The following PEX5L variants were observed in gnomAD, a reference collection of about 807,000 sequenced individuals.
The protein encoded by PEX5L is peroxisomal biogenesis factor 5 like, also known as PEX5-related protein.
In PEX5L, 30 loss-of-function variants were observed where a neutral mutation model predicts 84.0. The observed-to-expected ratio is 0.36, with a 90% CI of 0.27 to 0.48. PEX5L has a LOEUF of 0.48. Ranked by LOEUF, PEX5L falls within the 20% of genes least tolerant of loss-of-function variation. The pLI is 0.99. For missense variants in PEX5L, 533 were observed against 754.6 expected, an observed-to-expected ratio of 0.71 and a Z score of 3.44; for synonymous variants, 270 against 283.1, an observed-to-expected ratio of 0.95 and a Z score of 0.46.
rs1268823710 is a variant in PEX5L, at chr3:179,799,767, GA to G, written c.*2060del. The G allele has an allele frequency of 6.6e-6, 1 of 152,238 alleles. No homozygotes were observed. The highest frequency in any genetic ancestry group is 6.5e-5 in the Admixed American group (1 of 15,280). 9.4% of individuals were successfully genotyped at this position (152,238 alleles called of 1,614,324 possible). Reference sequence around the variant, plus strand: ...TTCAAGCAGGCCCTGCCATGGCTTGGAGGCTGGCCCCAAGAGTCCTTACCAG... The same window carrying G: ...TTCAAGCAGGCCCTGCCATGGCTTGGGGCTGGCCCCAAGAGTCCTTACCAG... On this transcript the variant is annotated 3_prime_UTR_variant, in exon 15 of 15. Transcript: ENST00000467460.
At chr3:180,017,205 T>C (rs1022448518) in intron 1 of PEX5L, among the ~76,000 whole-genome samples, 2 of 152,232 alleles carry the variant, frequency 1.3e-5, no homozygotes, top group Non-Finnish European at 2.9e-5. Context: ...TAGCTTGAAA[T>C]GGCTGTTTAC....
chr3:179,953,485 T>C (rs1281384099), intron 2 of PEX5L, among the ~76,000 whole-genome samples: 1 of 152,200 alleles, frequency 6.6e-6, no homozygotes, highest in Non-Finnish European at 1.5e-5. Context: ...TTAAAGATTC[T>C]GCTGCTGATA....
chr3:180,028,605 C>A (rs1263977010), intron 1 of PEX5L, among the ~76,000 whole-genome samples: 4 of 151,998 alleles, frequency 2.6e-5, no homozygotes, highest in African/African-American at 9.7e-5. Context: ...AAATAATATA[C>A]CAGGGTAAGG....
At chr3:179,973,669 C>T (rs1273737205) in intron 1 of PEX5L, 6 of 985,310 alleles carry the variant, frequency 6.1e-6, no homozygotes, top group African/African-American at 1.7e-5. Flanking sequence ...TCAGCACTCA[C>T]AGAACATCAT....
chr3:179,952,099 C>T (rs1010502927), intron 2 of PEX5L, among the ~76,000 whole-genome samples: 4 of 152,116 alleles, frequency 2.6e-5, no homozygotes, highest in Admixed American at 1.3e-4. Context: ...CTATACTTTG[C>T]TTATATTATA....
chr3:179,795,576 C>G lies in PEX5L; in HGVS notation c.*6252G>C, dbSNP rs1162926019. ...CAATCACTTTAAAATCCCCTCCCCC[C>G]CATTGCCATTAATTTACTATAGGTC... On this transcript the variant is annotated 3_prime_UTR_variant, in exon 15 of 15. Coordinates refer to ENST00000467460, the MANE Select transcript of PEX5L (RefSeq NM_016559.3). The G allele has an allele frequency of 6.6e-6, 1 of 152,050 alleles. No homozygotes were observed. Among genetic ancestry groups the G allele is most frequent in the African/African-American group, 2.4e-5 (1 of 41,406 alleles). The allele number at this position is 152,050 out of a possible 1,614,324, so 9.4% of individuals were successfully genotyped here. A position where few individuals can be genotyped will look rare whatever the true frequency, so the allele number is the denominator to read the frequency against.
chr3:179,975,215 A>G (rs1785628238), intron 1 of PEX5L, among the ~76,000 whole-genome samples: 1 of 152,166 alleles, frequency 6.6e-6, no homozygotes, highest in Non-Finnish European at 1.5e-5. Context: ...TAAAAAAAGA[A>G]AAACAATATA....
At position 179,803,418 on chromosome 3, in the gene PEX5L, A is replaced by T. The variant is rs561887424; in HGVS notation, c.1677-1386T>A. ...AAGCCCTTTTAGGTTCTCAATAATT[A>T]TTAAAAGTGTAGAGGGGTCCTGAGA... On this transcript the variant is annotated intron_variant, in intron 14 of 14. Coordinates refer to ENST00000467460, the MANE Select transcript of PEX5L (RefSeq NM_016559.3). Among the ~76,000 whole-genome samples the T allele has an allele frequency of 3.3e-5, 5 of 152,304 alleles. No homozygotes were observed. The East Asian group carries it at 9.7e-4, about 29-fold the overall frequency.
At chr3:179,842,653 A>AT (rs1179668877) in intron 8 of PEX5L, among the ~76,000 whole-genome samples, 1 of 152,166 alleles carries the variant, frequency 6.6e-6, no homozygotes. Flanking sequence ...ACTTCAACGA[A>AT]TATACTAAAG....
At chr3:179,986,952 C>T (rs13060574) in intron 1 of PEX5L, among the ~76,000 whole-genome samples, 24,829 of 152,112 alleles carry the variant, frequency 0.16, 2,291 homozygotes, top group Admixed American at 0.24. Flanking sequence ...AAACTTTCAA[C>T]TCAAGAACTT....
At chr3:179,871,031 T>A (rs982662798) in intron 7 of PEX5L, among the ~76,000 whole-genome samples, 6 of 152,006 alleles carry the variant, frequency 3.9e-5, no homozygotes, top group African/African-American at 1.4e-4. Flanking sequence ...CACTGCCTCA[T>A]ATAATTTATG....
rs35967860 is a variant in PEX5L at position 179,905,653 on chromosome 3, ATT to A, written c.94-7409_94-7408del. On this transcript the variant is annotated intron_variant, in intron 2 of 14. Coordinates refer to ENST00000467460, the MANE Select transcript of PEX5L (RefSeq NM_016559.3). The stretch of plus-strand genomic sequence containing the variant: ...GATTGGCTCCAAAGAAGTTCTTGCC[ATT>A]TTTTTTTTTCCTGACGATGCAGTTG... Among the ~76,000 whole-genome samples the A allele has an allele frequency of 1.4e-4, 21 of 147,476 alleles. No individual in the cohort carries two copies. The East Asian group carries it at 3.9e-3, about 28-fold the overall frequency.
At chr3:179,912,978 GA>G (rs2109248384) in intron 2 of PEX5L, among the ~76,000 whole-genome samples, 1 of 152,076 alleles carries the variant, frequency 6.6e-6, no homozygotes, top group South Asian at 2.1e-4. Flanking sequence ...ATCCTTCAAA[GA>G]AAAAATTAGG....
intron 7 of PEX5L, 36 bp downstream of exon 7, chr3:179,874,291 G>T: frequency 8.7e-7 from 1 of 1,153,428 alleles, no homozygotes; most frequent in Non-Finnish European, 1.3e-6. Context: ...CTATATATAG[G>T]GAAAGATGTG....
At chr3:179,843,630 A>G (rs1310223922) in intron 8 of PEX5L, among the ~76,000 whole-genome samples, 2 of 152,252 alleles carry the variant, frequency 1.3e-5, no homozygotes, top group South Asian at 2.1e-4. Flanking sequence ...GGAAATTGTC[A>G]ATGAAAAATA....
chr3:179,831,390 T>C (rs1396113943), intron 8 of PEX5L, among the ~76,000 whole-genome samples: 6 of 151,426 alleles, frequency 4.0e-5, no homozygotes, highest in East Asian at 1.9e-4. Flanking sequence ...TTTTTAAAAA[T>C]ATGGAACCTC....
intron 7 of PEX5L, among the ~76,000 whole-genome samples, chr3:179,866,961 T>C (rs1748463287): frequency 7.0e-6 from 1 of 143,250 alleles, no homozygotes; most frequent in South Asian, 2.2e-4. Flanking sequence ...GGGAGGCAGA[T>C]GTTGCCGTGA....
intron 6 of PEX5L, 65 bp downstream of exon 6, chr3:179,875,289 C>T: frequency 6.6e-7 from 1 of 1,519,012 alleles, no homozygotes; most frequent in South Asian, 1.1e-5. Flanking sequence ...AACTCTTTGG[C>T]TATTTCAGTG....
intron 3 of PEX5L, among the ~76,000 whole-genome samples, chr3:179,893,524 T>G (rs1450027965): frequency 1.3e-5 from 2 of 152,168 alleles, no homozygotes; most frequent in Admixed American, 6.5e-5. Flanking sequence ...AGATGTTTCA[T>G]TCAAAAATAT....
Sources: gnomAD v4.1 joint callset for allele counts (sites outside exome capture counted in the v4.1 genomes callset) on GRCh38, gnomAD v4.1.1 for gene constraint, MANE v1.5 for transcripts, NCBI Gene and HGNC (gene_info 2026-07-23, HGNC 2026-07-21) for gene names.